Variants in TPM1 observed in about 807,000 individuals in gnomAD.
The protein encoded by TPM1 is tropomyosin 1, also known as tropomyosin alpha-1 chain.
Under a neutral mutation model 42.9 loss-of-function variants are expected in TPM1, and 24 were observed. The ratio of observed to expected loss-of-function variants is 0.56; its 90% confidence interval spans 0.41 to 0.79. The LOEUF (loss-of-function observed/expected upper bound fraction) is 0.79, where lower values mean the gene tolerates loss of function less well. Among genes scored for constraint, TPM1 ranks in the 30% least tolerant of loss-of-function variants. The pLI is 0.00. For synonymous variants in TPM1, 136 were observed against 130.1 expected, an observed-to-expected ratio of 1.05 and a Z score of -0.31; for missense variants, 158 against 351.8, an observed-to-expected ratio of 0.45 and a Z score of 4.41.
intron 8 of TPM1, chr15:63,063,036 C>G: frequency 7.5e-7 from 1 of 1,324,742 alleles, no homozygotes; most frequent in South Asian, 2.5e-5. Flanking sequence ...AAGAACCCAT[C>G]TTCTTCCAAG....
intron 2 of TPM1, chr15:63,045,333 A>G (rs6494386): frequency 0.42 from 63,304 of 149,844 alleles, 14,368 homozygotes; most frequent in Admixed American, 0.54. Context: ...ATTTTCAGTG[A>G]AAATCAAGCT....
At chr15:63,051,591 G>A (rs1213320930) in intron 2 of TPM1, among the ~76,000 whole-genome samples, 1 of 151,662 alleles carries the variant, frequency 6.6e-6, no homozygotes, top group Non-Finnish European at 1.5e-5. Flanking sequence ...TAGCTTGGCT[G>A]TGGTCACTTG....
At chr15:63,060,105 T>C in intron 4 of TPM1, 1 of 230,146 alleles carries the variant, frequency 4.3e-6, no homozygotes, top group African/African-American at 2.2e-5. Flanking sequence ...CACAGAGGCC[T>C]CTCTCCTCAA....
chr15:63,070,906 G>A, downstream of TPM1: 1 of 1,388,230 alleles, frequency 7.2e-7, no homozygotes, highest in Non-Finnish European at 9.4e-7. Flanking sequence ...GGCTCCTTTG[G>A]GTCAAAGATG....
At position 63,065,759 on chromosome 15, in the gene TPM1, G is replaced by T. The variant is rs1313457464; in HGVS notation, c.852-137G>T. 2.2e-6 allele frequency: 3 copies of T among 1,378,642 alleles called. No homozygotes were observed. In the Admixed American group the frequency reaches 6.8e-5, roughly 31 times the overall value. The allele number at this position is 1,378,642 out of a possible 1,614,324, so 85.4% of individuals were successfully genotyped here. On this transcript the variant is annotated intron_variant, in intron 9 of 9. Coordinates refer to ENST00000403994, the MANE Select transcript of TPM1 (RefSeq NM_001018005.2). ...AGATGGATGTCCTTCCAAGGGTGTG[G>T]CTGGCAGTGGGGTTTGCATGACTGC...
intron 5 of TPM1, chr15:63,061,361 AC>A: frequency 8.3e-7 from 1 of 1,211,488 alleles, no homozygotes. Context: ...TGGTATAACG[AC>A]TGCACCTTCA....
In TPM1 at chr15:63,044,371, T is replaced by G. The variant is rs1352567973; in HGVS notation, c.240+219T>G. On this transcript the variant is annotated intron_variant, in intron 2 of 9. Coordinates refer to ENST00000403994, the MANE Select transcript of TPM1 (RefSeq NM_001018005.2). Reference sequence around the variant, plus strand: ...CTCTCTTCTTCTCCTTTCCTTTACCTCCCTGGGGGTGGAGGTGGGTGGATG... The same window carrying G: ...CTCTCTTCTTCTCCTTTCCTTTACCGCCCTGGGGGTGGAGGTGGGTGGATG... 9.9e-6 allele frequency: 7 copies of G among 706,676 alleles called. No homozygotes were observed. In the African/African-American group the frequency reaches 1.2e-4, roughly 12 times the overall value. 43.8% of individuals were successfully genotyped at this position (706,676 alleles called of 1,614,324 possible).
At position 63,058,269 on chromosome 15, in the gene TPM1, T is replaced by C. The variant is rs2035096067; in HGVS notation, c.374+1151T>C. Reference sequence around the variant, plus strand: ...TGTTAGACTTCGGAGTAAAGGGGACTTGGGGATCATTTAGTCCCTTAGTTT... The same window carrying C: ...TGTTAGACTTCGGAGTAAAGGGGACCTGGGGATCATTTAGTCCCTTAGTTT... On this transcript the variant is annotated intron_variant, in intron 3 of 9. Transcript: ENST00000403994. 2.0e-5 allele frequency among the ~76,000 whole-genome samples: 3 copies of C among 152,168 alleles called. No individual in the cohort carries two copies. The South Asian group carries it at 6.2e-4, about 31-fold the overall frequency.
At chr15:63,044,355 TCTC>T (rs774988661) in intron 2 of TPM1, 106 of 770,622 alleles carry the variant, frequency 1.4e-4, no homozygotes, top group Non-Finnish European at 2.0e-4. Flanking sequence ...CCTCTCTTCT[TCTC>T]CTTTCCTTTA....
At chr15:63,051,279 A>G (rs1425605110) in intron 2 of TPM1, among the ~76,000 whole-genome samples, 1 of 152,142 alleles carries the variant, frequency 6.6e-6, no homozygotes, top group African/African-American at 2.4e-5. Flanking sequence ...CCCTCTTTAC[A>G]CTTGGTAAGT....
intron 2 of TPM1, chr15:63,046,754 C>T (rs2032465725): frequency 6.6e-6 from 1 of 152,626 alleles, no homozygotes; most frequent in Admixed American, 6.5e-5. Context: ...TACTTCTTAA[C>T]TTAGGGATTC....
intron 3 of TPM1, among the ~76,000 whole-genome samples, chr15:63,057,670 G>A (rs774583155): frequency 1.3e-4 from 20 of 152,206 alleles, no homozygotes; most frequent in Admixed American, 2.6e-4. Flanking sequence ...TCAGATGCTC[G>A]TGTGTTCTGA....
downstream of TPM1, among the ~76,000 whole-genome samples, chr15:63,066,552 G>A (rs1305664926): frequency 6.6e-6 from 1 of 152,252 alleles, no homozygotes; most frequent in African/African-American, 2.4e-5. Flanking sequence ...AAAGGCTCAT[G>A]ATGAATGGTT....
chr15:63,046,081 G>A (rs572083640), intron 2 of TPM1: 1 of 152,322 alleles, frequency 6.6e-6, no homozygotes, highest in Admixed American at 6.5e-5. Context: ...ACCATAGAGT[G>A]TATGGTACTT....
chr15:63,043,673 C>G (rs2031706462), intron 1 of TPM1: 1 of 1,539,030 alleles, frequency 6.5e-7, no homozygotes, highest in Non-Finnish European at 8.7e-7. Flanking sequence ...CGGTCCGTGC[C>G]GGCCGCCCGC....
Position 63,050,495 on chromosome 15 carries a change from A to G in TPM1, c.240+6343A>G, listed in dbSNP as rs146191734. 2.2e-3 allele frequency among the ~76,000 whole-genome samples: 339 copies of G among 152,306 alleles called. 3 individuals are homozygous for G. The highest frequency in any genetic ancestry group is 0.01 in the Middle Eastern group (3 of 294). On this transcript the variant is annotated intron_variant, in intron 2 of 9. Transcript: ENST00000403994. ...TAGACACAAAAGATAAATTTTATGA[A>G]GGGCACATTATTACTTTTATTCTTA...
intron 2 of TPM1, chr15:63,054,381 T>A (rs1358722921): frequency 6.6e-6 from 1 of 151,962 alleles, no homozygotes; most frequent in Non-Finnish European, 1.5e-5. Flanking sequence ...AGGGAAAGAA[T>A]GGGGGTGGGG....
rs545491797 is a variant in TPM1, at chr15:63,063,731, C to T, written c.773-333C>T. On this transcript the variant is annotated intron_variant, in intron 8 of 9. Coordinates refer to ENST00000403994, the MANE Select transcript of TPM1 (RefSeq NM_001018005.2). ...GCAAAAGAAAGATGTTCCATTAGCCCCTGCCTCCCCTCACCAGGAGACAGC... is the reference window on the plus strand; with the variant it reads ...GCAAAAGAAAGATGTTCCATTAGCCTCTGCCTCCCCTCACCAGGAGACAGC... 155 of 267,758 alleles carry T rather than the reference C, an allele frequency of 5.8e-4. 1 individual carries two copies. The highest frequency in any genetic ancestry group is 3.3e-3 in the African/African-American group (149 of 45,346). 16.6% of individuals were successfully genotyped at this position (267,758 alleles called of 1,614,324 possible). A position where few individuals can be genotyped will look rare whatever the true frequency, so the allele number is the denominator to read the frequency against.
intron 8 of TPM1, chr15:63,063,242 G>A: frequency 2.0e-6 from 2 of 985,406 alleles, no homozygotes; most frequent in Non-Finnish European, 2.4e-6. Flanking sequence ...TGAAGGATTA[G>A]CTGTGAACAA....
Sources: allele counts gnomAD v4.1 joint callset (sites outside exome capture counted in the v4.1 genomes callset), GRCh38; gene constraint gnomAD v4.1.1; transcripts MANE v1.5; gene names NCBI Gene and HGNC (gene_info 2026-07-23, HGNC 2026-07-21).